ADGRG4: variants seen among roughly 807,000 people sequenced by gnomAD.
ADGRG4 encodes G protein-coupled receptor 112.
A neutral mutation model predicts 126.2 loss-of-function variants in ADGRG4; 122 were observed. That is an observed-to-expected ratio of 0.97 (90% CI 0.83 to 1.12). The LOEUF (loss-of-function observed/expected upper bound fraction) is 1.12, where lower values mean the gene tolerates loss of function less well. Ranked by LOEUF, ADGRG4 falls within the 50% of genes most tolerant of loss-of-function variation. The pLI is 0.00. For missense variants in ADGRG4, 2,481 were observed against 2,251.8 expected (o/e 1.10, Z -2.06); for synonymous variants, 943 against 838.7 (o/e 1.12, Z -2.15).
intron 5 of ADGRG4, among the ~76,000 whole-genome samples, chrX:136,338,283 G>A (rs1229264882): frequency 3.7e-5 from 4 of 109,205 alleles, no homozygotes; most frequent in African/African-American, 1.3e-4. Flanking sequence ...TCAGCCTCCT[G>A]AGTATCTGGC....
chrX:136,353,791 AG>A (rs1245916055), intron 8 of ADGRG4, among the ~76,000 whole-genome samples: 2 of 112,336 alleles, frequency 1.8e-5, no homozygotes, highest in African/African-American at 6.5e-5. Flanking sequence ...TTCAGAAAAG[AG>A]AAATTCCAAA....
chrX:136,392,263 A>C lies in ADGRG4; in HGVS notation c.7943A>C (p.Tyr2648Ser), dbSNP rs1238862660. The C allele has an allele frequency of 8.6e-7, 1 of 1,158,477 alleles. No homozygotes were observed. The highest frequency in any genetic ancestry group is 2.1e-5 in the African/African-American group (1 of 47,946). The change falls in exon 17 of 26, where the codon TAT (tyrosine) becomes TCT (serine). Residue 2648 changes from tyrosine to serine, a missense_variant. Transcript: ENST00000394143. ...AATGTCACTAAAGCATTAACCACCT[A>C]TGTTGTGAGTGCCAGCATTTCAGAT... ...TKNVTKALTT[Y>S]VVSASISDDM...
At chrX:136,390,943 G>T in intron 16 of ADGRG4, among the ~76,000 whole-genome samples, 1 of 110,572 alleles carries the variant, frequency 9.0e-6, no homozygotes, top group Middle Eastern at 4.6e-3. Flanking sequence ...GAGAGCTAGG[G>T]TTAGCCCTTA....
chrX:136,382,088 A>T (rs897399446), intron 15 of ADGRG4, among the ~76,000 whole-genome samples: 1 of 111,134 alleles, frequency 9.0e-6, no homozygotes, highest in African/African-American at 3.3e-5. Context: ...TCAAGTTGAC[A>T]CTCAGTATTA....
chrX:136,358,097 G>T (rs1450002750), intron 10 of ADGRG4, among the ~76,000 whole-genome samples: 2 of 111,580 alleles, frequency 1.8e-5, no homozygotes, highest in African/African-American at 6.5e-5. Flanking sequence ...ATGGAAAGTA[G>T]CTTCGGTTCT....
chrX:136,379,994 C>G (rs762389997), intron 15 of ADGRG4, among the ~76,000 whole-genome samples: 1 of 110,967 alleles, frequency 9.0e-6, no homozygotes, highest in Non-Finnish European at 1.9e-5. Flanking sequence ...ATGTATTTAC[C>G]ACACTTTGTT....
chrX:136,407,951 G>A (rs2075424605), intron 23 of ADGRG4, among the ~76,000 whole-genome samples: 1 of 112,016 alleles, frequency 8.9e-6, no homozygotes, highest in African/African-American at 3.3e-5. Context: ...CCACGGAAAC[G>A]GTTTAGAACC....
chrX:136,411,885 C>T (rs1232369917), intron 23 of ADGRG4, among the ~76,000 whole-genome samples: 1 of 112,722 alleles, frequency 8.9e-6, no homozygotes, highest in Non-Finnish European at 1.9e-5. Flanking sequence ...AGAGGGCTCG[C>T]TCTTTTATAA....
intron 5 of ADGRG4, among the ~76,000 whole-genome samples, chrX:136,324,007 A>G (rs2074857122): frequency 1.8e-5 from 2 of 111,778 alleles, no homozygotes; most frequent in East Asian, 5.6e-4. Flanking sequence ...ATATTTCCTC[A>G]TAATTAGATT....
At chrX:136,328,871 C>T (rs185770083) in intron 5 of ADGRG4, among the ~76,000 whole-genome samples, 1 of 111,338 alleles carries the variant, frequency 9.0e-6, no homozygotes, top group Admixed American at 9.6e-5. Flanking sequence ...CCTTCCTCAT[C>T]ACGAAAAGTA....
chrX:136,345,353 G>T lies in ADGRG4; in HGVS notation c.1647G>T (p.Ser549=), dbSNP rs370549991. The change falls in exon 6 of 26, where the codon TCG becomes TCT. Residue 549 remains serine, a synonymous_variant. Transcript: ENST00000394143. ...AAGATGCCATGTCTACTTCCATGTCGAAAGAGACCTCCTCTAAGACCTTTT... is the reference window on the plus strand; with the variant it reads ...AAGATGCCATGTCTACTTCCATGTCTAAAGAGACCTCCTCTAAGACCTTTT... ...RVEDAMSTSM[S]KETSSKTFSF... is the part of the protein sequence containing the mutation. 4.1e-6 allele frequency: 5 copies of T among 1,210,480 alleles called. No individual in the cohort carries two copies. The highest frequency in any genetic ancestry group is 5.6e-6 in the Non-Finnish European group (5 of 894,722).
chrX:136,340,509 T>C (rs2074973082), intron 5 of ADGRG4, among the ~76,000 whole-genome samples: 1 of 111,925 alleles, frequency 8.9e-6, no homozygotes, highest in South Asian at 3.7e-4. Flanking sequence ...CTCTAAAGTT[T>C]GTTTCACTGT....
rs776760576 is a variant in ADGRG4, at chrX:136,345,594, A to G, written c.1888A>G (p.Thr630Ala). ...TTTGATGTCCACTAGATCAGCTTCC[A>G]CATCCAAGGCACCTGAGTCAGGTCC... Reference protein sequence around the residue: ...LTLMSTRSASTSKAPESGPTS... With the variant: ...LTLMSTRSASASKAPESGPTS... Residue 630 changes from threonine (T) to alanine (A), a missense_variant, in exon 6 of 26, where the codon ACA becomes GCA. By Grantham distance (58) the Thr-to-Ala change is moderately conservative. Transcript: ENST00000394143. 14 of 1,208,764 alleles carry G rather than the reference A, an allele frequency of 1.2e-5. No homozygotes were observed. The highest frequency in any genetic ancestry group is 1.2e-5 in the Non-Finnish European group (11 of 894,593).
Position 136,416,623 on chromosome X carries a change from T to C in ADGRG4, c.*132T>C. On this transcript the variant is annotated 3_prime_UTR_variant, in exon 26 of 26. Coordinates refer to ENST00000394143, the MANE Select transcript of ADGRG4 (RefSeq NM_153834.4). Reference sequence around the variant, plus strand: ...AAATCACCACTAAATAATGTACTCATGTAACCAAATGCTACCTGTTCCACC... The same window carrying C: ...AAATCACCACTAAATAATGTACTCACGTAACCAAATGCTACCTGTTCCACC... The C allele has an allele frequency of 5.1e-6, 2 of 395,057 alleles. No individual in the cohort carries two copies. The highest frequency in any genetic ancestry group is 8.6e-6 in the Non-Finnish European group (2 of 232,638). The allele number at this position is 395,057 out of a possible 1,213,427, so 32.6% of individuals were successfully genotyped here.
At chrX:136,382,923 C>T (rs931469545) in intron 15 of ADGRG4, among the ~76,000 whole-genome samples, 16 of 110,619 alleles carry the variant, frequency 1.4e-4, no homozygotes, top group African/African-American at 2.6e-4. Flanking sequence ...AATGTAATGT[C>T]GTGGGAACAG....
chrX:136,341,465 G>T (rs1386465271), intron 5 of ADGRG4, among the ~76,000 whole-genome samples: 2 of 112,018 alleles, frequency 1.8e-5, no homozygotes, highest in Non-Finnish European at 3.8e-5. Flanking sequence ...TTTCACGGAG[G>T]TTTGCTAAGC....
intron 5 of ADGRG4, among the ~76,000 whole-genome samples, chrX:136,330,450 T>C (rs1452128984): frequency 9.1e-6 from 1 of 109,864 alleles, no homozygotes; most frequent in African/African-American, 3.3e-5. Flanking sequence ...AGTGTCTCAA[T>C]AGTTTACTCA....
At position 136,323,409 on chromosome X, in the gene ADGRG4, C is replaced by G; in HGVS notation, c.685+17C>G. The G allele has an allele frequency of 8.5e-7, 1 of 1,182,880 alleles. No individual in the cohort carries two copies. The highest frequency in any genetic ancestry group is 3.0e-5 in the East Asian group (1 of 33,627). On this transcript the variant is annotated intron_variant, in intron 5 of 25. Coordinates refer to ENST00000394143, the MANE Select transcript of ADGRG4 (RefSeq NM_153834.4). ...TGCGCTGCTGTGAGTAACTTAACAA[C>G]TTTTTTCCTTAGCAAGGGTAGTGTT...
In ADGRG4 at chrX:136,347,811, G is replaced by A. The variant is rs748757530; in HGVS notation, c.4105G>A (p.Ala1369Thr). The change falls in exon 6 of 26, where the codon GCT becomes ACT. Residue 1369 changes from alanine to threonine, a missense_variant. Physicochemically the swap from Ala to Thr is moderately conservative, Grantham distance 58. Coordinates refer to ENST00000394143, the MANE Select transcript of ADGRG4 (RefSeq NM_153834.4). The stretch of plus-strand genomic sequence containing the variant: ...TGGGAAAACAGCTCTCCCCTCACAA[G>A]CTCTGACAATCACCACTTTTTTGTG... ...SLGKTALPSQ[A>T]LTITTFLCPE... The A allele has an allele frequency of 3.3e-6, 4 of 1,209,346 alleles. No individual in the cohort carries two copies. The highest frequency in any genetic ancestry group is 4.5e-6 in the Non-Finnish European group (4 of 893,558).
Sources: allele counts gnomAD v4.1 joint callset (sites outside exome capture counted in the v4.1 genomes callset), GRCh38; gene constraint gnomAD v4.1.1; transcripts MANE v1.5; gene names NCBI Gene and HGNC (gene_info 2026-07-23, HGNC 2026-07-21).